Variants in COL19A1 observed in about 807,000 individuals in gnomAD.
COL19A1 encodes the protein collagen type XIX alpha 1 chain.
In COL19A1, 159 loss-of-function variants were observed where a neutral mutation model predicts 190.2. The observed-to-expected ratio is 0.84, with a 90% confidence interval of 0.73 to 0.95. COL19A1 has a LOEUF of 0.95. Ranked by LOEUF, COL19A1 falls within the 40% of genes least tolerant of loss-of-function variation. The pLI is 0.00. For synonymous variants in COL19A1, 509 were observed against 458.9 expected (o/e 1.11, Z -1.39); for missense variants, 1,418 against 1,431.9 (o/e 0.99, Z 0.16).
At chr6:70,077,351 T>C (rs1380631785) in intron 15 of COL19A1, among the ~76,000 whole-genome samples, 1 of 152,230 alleles carries the variant, frequency 6.6e-6, no homozygotes, top group Non-Finnish European at 1.5e-5. Flanking sequence ...TGTGTTTTTA[T>C]TTCTAAATTT....
At chr6:69,926,625 A>G (rs77009897) in intron 4 of COL19A1, among the ~76,000 whole-genome samples, 1 of 152,128 alleles carries the variant, frequency 6.6e-6, no homozygotes, top group African/African-American at 2.4e-5. Flanking sequence ...AAAAATGAAC[A>G]GTTCCAAGAC....
chr6:69,888,923 C>CT (rs1769136688), intron 2 of COL19A1, among the ~76,000 whole-genome samples: 1 of 151,804 alleles, frequency 6.6e-6, no homozygotes, highest in African/African-American at 2.4e-5. Flanking sequence ...CTTGATATTC[C>CT]TTTGTCAGAT....
intron 18 of COL19A1, among the ~76,000 whole-genome samples, chr6:70,137,391 T>C (rs543536109): frequency 1.3e-5 from 2 of 152,300 alleles, no homozygotes; most frequent in East Asian, 3.9e-4. Context: ...TTATAATTTT[T>C]CTCCTCTAGA....
chr6:70,107,443 C>A lies in COL19A1; in HGVS notation c.1278+5221C>A, dbSNP rs192872307. Among the ~76,000 whole-genome samples the A allele has an allele frequency of 2.0e-5, 3 of 152,268 alleles. No homozygotes were observed. The East Asian group carries it at 5.8e-4, about 29-fold the overall frequency. ...ATTTGAAATAATAGCACCTACCCCACCTACTTTTTCCCACAGTGGCTACAA... is the reference window on the plus strand; with the variant it reads ...ATTTGAAATAATAGCACCTACCCCAACTACTTTTTCCCACAGTGGCTACAA... On this transcript the variant is annotated intron_variant, in intron 16 of 50. Transcript: ENST00000620364.
intron 9 of COL19A1, 44 bp downstream of exon 9, chr6:69,938,144 A>G: frequency 6.4e-7 from 1 of 1,560,134 alleles, no homozygotes; most frequent in South Asian, 1.1e-5. Flanking sequence ...GGGTTTTGTT[A>G]AAAAATGACT....
rs533393757 is a variant in COL19A1 at position 69,978,502 on chromosome 6, C to G, written c.1026+15632C>G. Among the ~76,000 whole-genome samples the G allele has an allele frequency of 2.0e-5, 3 of 151,460 alleles. No homozygotes were observed. In the East Asian group the frequency reaches 5.8e-4, roughly 29 times the overall value. On this transcript the variant is annotated intron_variant, in intron 11 of 50. Transcript: ENST00000620364. Reference sequence around the variant, plus strand: ...AAAACAGTCCTCAATAACCCCGGAACCAAAGAGTTAATGAAAAGGAAAATT... The same window carrying G: ...AAAACAGTCCTCAATAACCCCGGAAGCAAAGAGTTAATGAAAAGGAAAATT...
At chr6:70,069,646 C>T (rs1781436644) in intron 15 of COL19A1, among the ~76,000 whole-genome samples, 1 of 152,072 alleles carries the variant, frequency 6.6e-6, no homozygotes, top group Admixed American at 6.6e-5. Flanking sequence ...AGCCAATGCT[C>T]CTTTGTCTGG....
rs144943825 is a variant in COL19A1, at chr6:70,206,542, G to C, written c.3224-359G>C. 2.5e-3 allele frequency among the ~76,000 whole-genome samples: 386 copies of C among 151,672 alleles called. 2 individuals are homozygous for C. Among genetic ancestry groups the C allele is most frequent in the African/African-American group, 8.7e-3 (359 of 41,270 alleles). ...AGCTACTCAGGAGGCTGAGGCAGGA[G>C]GATCACTTGAACACAGGAGGTGGAG... is the stretch of plus-strand genomic sequence containing the variant. On this transcript the variant is annotated intron_variant, in intron 49 of 50. Transcript: ENST00000620364.
At chr6:70,003,532 T>G (rs185259720) in intron 11 of COL19A1, among the ~76,000 whole-genome samples, 1 of 152,344 alleles carries the variant, frequency 6.6e-6, no homozygotes, top group East Asian at 1.9e-4. Context: ...CTCTAAGAAC[T>G]CGTTTTATGA....
At chr6:70,006,422 G>C (rs1582667229) in intron 11 of COL19A1, among the ~76,000 whole-genome samples, 1 of 152,142 alleles carries the variant, frequency 6.6e-6, no homozygotes, top group South Asian at 2.1e-4. Context: ...TCTCAGGTGG[G>C]CTGCTGCACC....
At chr6:70,037,763 A>G (rs551840611) in intron 14 of COL19A1, among the ~76,000 whole-genome samples, 1 of 152,318 alleles carries the variant, frequency 6.6e-6, no homozygotes, top group Non-Finnish European at 1.5e-5. Context: ...TGGATTACAT[A>G]TATTTTGTGG....
At chr6:70,058,977 A>C (rs184601430) in intron 14 of COL19A1, among the ~76,000 whole-genome samples, 1 of 152,190 alleles carries the variant, frequency 6.6e-6, no homozygotes, top group East Asian at 1.9e-4. Flanking sequence ...TTTCATTCCG[A>C]TGTCCCCAAC....
intron 44 of COL19A1, among the ~76,000 whole-genome samples, chr6:70,182,094 G>A (rs1223068652): frequency 6.6e-6 from 1 of 152,220 alleles, no homozygotes; most frequent in Non-Finnish European, 1.5e-5. Flanking sequence ...ATTGTGTGGA[G>A]AGTAGGCTGT....
At chr6:70,167,676 A>C (rs1047750522) in intron 37 of COL19A1, among the ~76,000 whole-genome samples, 2 of 152,326 alleles carry the variant, frequency 1.3e-5, no homozygotes, top group African/African-American at 4.8e-5. Flanking sequence ...GGCTGTAAAC[A>C]GTTAGTATAA....
chr6:70,058,307 C>T (rs928109589), intron 14 of COL19A1, among the ~76,000 whole-genome samples: 2 of 151,984 alleles, frequency 1.3e-5, no homozygotes, highest in East Asian at 3.9e-4. Context: ...GTTTTAAAAG[C>T]ACTATGTGTA....
At chr6:70,083,368 AT>A (rs1439980382) in intron 15 of COL19A1, among the ~76,000 whole-genome samples, 1 of 152,108 alleles carries the variant, frequency 6.6e-6, no homozygotes, top group African/African-American at 2.4e-5. Flanking sequence ...TAAAAATTTT[AT>A]TTTTAAGGCA....
chr6:69,896,449 A>G (rs1439344692), intron 2 of COL19A1, among the ~76,000 whole-genome samples: 3 of 148,934 alleles, frequency 2.0e-5, no homozygotes, highest in South Asian at 2.2e-4. Context: ...AGGCAGGAGA[A>G]TGGCGTGAAC....
rs567108103 is a variant in COL19A1, at chr6:69,876,230, A to G, written c.-32-3306A>G. Among the ~76,000 whole-genome samples the G allele has an allele frequency of 2.6e-5, 4 of 152,352 alleles. No homozygotes were observed. The South Asian group carries it at 6.2e-4, about 24-fold the overall frequency. On this transcript the variant is annotated intron_variant, in intron 1 of 50. Coordinates refer to ENST00000620364, the MANE Select transcript of COL19A1 (RefSeq NM_001858.6). ...AACTAGCCATAAATCTTATTCTGCA[A>G]ATACTTTGGATAAATGAGATAGAAG... is the stretch of plus-strand genomic sequence containing the variant.
chr6:70,143,751 G>C (rs1208634235), intron 23 of COL19A1, among the ~76,000 whole-genome samples: 1 of 152,014 alleles, frequency 6.6e-6, no homozygotes, highest in East Asian at 1.9e-4. Flanking sequence ...TGAAAAGAGA[G>C]ATAATCCTGG....
Sources: allele counts gnomAD v4.1 joint callset (sites outside exome capture counted in the v4.1 genomes callset), GRCh38; gene constraint gnomAD v4.1.1; transcripts MANE v1.5; gene names NCBI Gene and HGNC (gene_info 2026-07-23, HGNC 2026-07-21).